FBXL19: variants seen among roughly 807,000 people sequenced by gnomAD.
FBXL19 encodes the protein F-box/LRR-repeat protein 19.
Under a neutral mutation model 71.2 loss-of-function variants are expected in FBXL19, and 16 were observed. The observed-to-expected ratio is 0.22, with a 90% CI of 0.15 to 0.34. The LOEUF is 0.34. FBXL19 is among the 10% of genes least tolerant of loss of function. FBXL19 has a pLI of 1.00. For missense variants in FBXL19, 658 were observed against 968.2 expected (o/e 0.68, Z 4.25); for synonymous variants, 447 against 409.4 (o/e 1.09, Z -1.11).
At chr16:30,931,973 T>C (rs1353027357) in intron 7 of FBXL19, among the ~76,000 whole-genome samples, 1 of 151,066 alleles carries the variant, frequency 6.6e-6, no homozygotes, top group Non-Finnish European at 1.5e-5. Context: ...ACTCCTGACC[T>C]GAAGCGATCC....
At chr16:30,931,306 GT>G (rs1223416276) in intron 7 of FBXL19, among the ~76,000 whole-genome samples, 2 of 152,156 alleles carry the variant, frequency 1.3e-5, no homozygotes, top group African/African-American at 4.8e-5. Flanking sequence ...CCTTCGGCGT[GT>G]TGACAAGCCT....
At chr16:30,947,016 AC>A in intron 10 of FBXL19, 35 bp from the exon 11 acceptor site, 1 of 1,576,988 alleles carries the variant, frequency 6.3e-7, no homozygotes, top group Non-Finnish European at 8.6e-7. Context: ...CCCCTTGCTC[AC>A]CTGCCTGGTC....
rs749339084 is a variant in FBXL19 at position 30,930,116 on chromosome 16, C to G, written c.833C>G (p.Pro278Arg). ...GCCTCTGCAGAGGGCCCAGCGGTGC[C>G]GTCCCCGTCCCCGCAGAGGGAGAAG... ...PLASAEGPAV[P>R]SPSPQREKLE... The change falls in exon 7 of 11, where the codon CCG (proline) becomes CGG (arginine). Residue 278 changes from proline (P) to arginine (R), a missense_variant. By Grantham distance (103) the Pro-to-Arg change is moderately radical (BLOSUM62 -2). Around this residue, in one of 8 missense-constraint regions of FBXL19, gnomAD observed 447 missense variants for 515.4 expected, o/e 0.87. Coordinates refer to ENST00000338343, the MANE Select transcript of FBXL19 (RefSeq NM_001382779.1). This position sits in a 1 kb window ranked among gnomAD's most constrained non-coding sequence, Gnocchi z 8.5. 2 of 1,613,552 alleles carry G rather than the reference C, an allele frequency of 1.2e-6. No individual in the cohort carries two copies. The highest frequency in any genetic ancestry group is 1.7e-6 in the Non-Finnish European group (2 of 1,179,874).
chr16:30,932,789 G>A (rs1018416276), intron 7 of FBXL19, among the ~76,000 whole-genome samples: 19 of 151,950 alleles, frequency 1.3e-4, no homozygotes, highest in Non-Finnish European at 2.8e-4. Flanking sequence ...GAGGCTCTGC[G>A]AGGTCTGGGC....
intron 7 of FBXL19, among the ~76,000 whole-genome samples, chr16:30,933,679 G>A (rs2055699828): frequency 6.6e-6 from 1 of 151,200 alleles, no homozygotes. Flanking sequence ...TTGAACTTCT[G>A]GCCTCAAGTG....
chr16:30,947,455 T>C lies in FBXL19; in HGVS notation c.*225T>C. 1.8e-6 allele frequency: 1 copy of C among 563,948 alleles called. No individual in the cohort carries two copies. The highest frequency in any genetic ancestry group is 3.2e-6 in the Non-Finnish European group (1 of 315,796). The allele number at this position is 563,948 out of a possible 1,614,324, so 34.9% of individuals were successfully genotyped here. ...CTATGTCCTGCCCCTGCTACCTGCTTCATTGTCCATCCCCTGGGGGAGTGG... is the reference window on the plus strand; with the variant it reads ...CTATGTCCTGCCCCTGCTACCTGCTCCATTGTCCATCCCCTGGGGGAGTGG... On this transcript the variant is annotated 3_prime_UTR_variant, in exon 11 of 11. Transcript: ENST00000338343.
Position 30,925,775 on chromosome 16 carries a change from G to T in FBXL19, c.21G>T (p.Gly7=), listed in dbSNP as rs892304263. ...CCCCAATGTCGTCGAGCAGCCGGGG[G>T]CCGGGGGCCGGAGCGCGCCGACGCC... MSSSSR[G]PGAGARRRRT... Residue 7 remains glycine, a synonymous_variant, in exon 2 of 11, where the codon GGG becomes GGT. Coordinates refer to ENST00000338343, the MANE Select transcript of FBXL19 (RefSeq NM_001382779.1). The surrounding 1 kb of genome is among the most constrained non-coding windows in gnomAD (Gnocchi z 5.0). The T allele has an allele frequency of 6.7e-7, 1 of 1,486,484 alleles. No individual in the cohort carries two copies. Among genetic ancestry groups the T allele is most frequent in the Non-Finnish European group, 8.9e-7 (1 of 1,123,062 alleles). The allele number at this position is 1,486,484 out of a possible 1,614,324, so 92.1% of individuals were successfully genotyped here. A position where few individuals can be genotyped will look rare whatever the true frequency, so the allele number is the denominator to read the frequency against.
intron 7 of FBXL19, among the ~76,000 whole-genome samples, chr16:30,934,551 G>A (rs187430063): frequency 5.9e-5 from 9 of 152,130 alleles, no homozygotes; most frequent in Admixed American, 3.9e-4. Context: ...CCAGCTACTC[G>A]GGAGTCTGAG....
Position 30,942,160 on chromosome 16 carries a change from G to A in FBXL19, c.1346G>A (p.Arg449Gln), listed in dbSNP as rs1217406218. The A allele has an allele frequency of 2.5e-6, 4 of 1,598,550 alleles. No individual in the cohort carries two copies. The highest frequency in any genetic ancestry group is 1.3e-5 in the African/African-American group (1 of 74,670). The change falls in exon 8 of 11, where the codon CGG becomes CAG. Residue 449 changes from arginine to glutamine, a missense_variant. By Grantham distance (43) the Arg-to-Gln change is conservative. Coordinates refer to ENST00000338343, the MANE Select transcript of FBXL19 (RefSeq NM_001382779.1). This position sits in a 1 kb window ranked among gnomAD's most constrained non-coding sequence, Gnocchi z 5.7. ...TGGCCTCGAATGGACCTGAGCCGGC[G>A]GAAGTCACTGACCCCGCCCATGCTC... The part of the protein sequence containing the change: ...RLWPRMDLSR[R>Q]KSLTPPMLSG...
Position 30,947,339 on chromosome 16 carries a change from G to C in FBXL19, c.*109G>C. 3.1e-6 allele frequency: 3 copies of C among 965,196 alleles called. No homozygotes were observed. The allele number at this position is 965,196 out of a possible 1,614,324, so 59.8% of individuals were successfully genotyped here. A position where few individuals can be genotyped will look rare whatever the true frequency, so the allele number is the denominator to read the frequency against. On this transcript the variant is annotated 3_prime_UTR_variant, in exon 11 of 11. Transcript: ENST00000338343. Reference sequence around the variant, plus strand: ...CACCTCACCACCCTGGGATTCCTGAGTGTCAGTGACTTGGGATTCCCACCC... The same window carrying C: ...CACCTCACCACCCTGGGATTCCTGACTGTCAGTGACTTGGGATTCCCACCC...
chr16:30,924,506 A>C, intron 1 of FBXL19, 47 bp downstream of exon 1: 1 of 729,392 alleles, frequency 1.4e-6, no homozygotes, highest in Non-Finnish European at 1.9e-6. Context: ...GGCAGCGCCC[A>C]CTCCCATTCA....
In FBXL19 at chr16:30,947,744, G is replaced by A; in HGVS notation, c.*514G>A. ...TGGGGATCCAGGTGTCAGAGGTAGGGGAACCAGGGGCAAGCTGGGGCTGAG... is the reference window on the plus strand; with the variant it reads ...TGGGGATCCAGGTGTCAGAGGTAGGAGAACCAGGGGCAAGCTGGGGCTGAG... On this transcript the variant is annotated 3_prime_UTR_variant, in exon 11 of 11. Coordinates refer to ENST00000338343, the MANE Select transcript of FBXL19 (RefSeq NM_001382779.1). 1 of 378,412 alleles carries A rather than the reference G, an allele frequency of 2.6e-6. No individual in the cohort carries two copies. 23.4% of individuals were successfully genotyped at this position (378,412 alleles called of 1,614,324 possible).
chr16:30,932,489 A>G (rs996115610), intron 7 of FBXL19, among the ~76,000 whole-genome samples: 1 of 152,220 alleles, frequency 6.6e-6, no homozygotes, highest in Admixed American at 6.5e-5. Flanking sequence ...CGAAGCAGAC[A>G]AAGCGAGAGG....
intron 9 of FBXL19, among the ~76,000 whole-genome samples, chr16:30,943,456 G>C (rs555778874): frequency 7.2e-6 from 1 of 139,576 alleles, no homozygotes; most frequent in African/African-American, 2.7e-5. Context: ...ATCACTGCAA[G>C]CTCCACCTCC....
At chr16:30,931,031 C>T (rs1353789480) in intron 7 of FBXL19, among the ~76,000 whole-genome samples, 1 of 152,150 alleles carries the variant, frequency 6.6e-6, no homozygotes, top group Non-Finnish European at 1.5e-5. Context: ...GTTCCATTCA[C>T]TTAGGAGAAC....
Position 30,925,235 on chromosome 16 carries a change from C to A in FBXL19, c.-24-496C>A, listed in dbSNP as rs527870978. ...GCTGTGGATGAAAAGGTTGGTGGGGCGGGGGGGAGGAAAAGTCCGGAGCTT... is the reference window on the plus strand; with the variant it reads ...GCTGTGGATGAAAAGGTTGGTGGGGAGGGGGGGAGGAAAAGTCCGGAGCTT... On this transcript the variant is annotated intron_variant, in intron 1 of 10. Transcript: ENST00000338343. This position sits in a 1 kb window ranked among gnomAD's most constrained non-coding sequence, Gnocchi z 5.0. Among the ~76,000 whole-genome samples the A allele has an allele frequency of 4.2e-5, 6 of 143,418 alleles. No individual in the cohort carries two copies. Among genetic ancestry groups the A allele is most frequent in the Non-Finnish European group, 9.1e-5 (6 of 65,622 alleles). The allele number at this position is 143,418 out of a possible 152,430, so 94.1% of individuals were successfully genotyped here. A position where few individuals can be genotyped will look rare whatever the true frequency, so the allele number is the denominator to read the frequency against.
chr16:30,928,561 C>G lies in FBXL19; in HGVS notation c.722C>G (p.Pro241Arg), dbSNP rs769976000. Residue 241 changes from proline (P) to arginine (R), a missense_variant, in exon 6 of 11, where the codon CCC becomes CGC. Physicochemically the swap from Pro to Arg is moderately radical, Grantham distance 103. Around this residue, in one of 8 missense-constraint regions of FBXL19, gnomAD observed 447 missense variants for 515.4 expected, o/e 0.87. Coordinates refer to ENST00000338343, the MANE Select transcript of FBXL19 (RefSeq NM_001382779.1). ...SDPGGPGLLP[P>R]RVLNPSQAFS... ...CCAGGCGGCCCGGGCCTGCTGCCCCCCAGGGTTCTGAATCCGAGCCAGGCT... is the reference window on the plus strand; with the variant it reads ...CCAGGCGGCCCGGGCCTGCTGCCCCGCAGGGTTCTGAATCCGAGCCAGGCT... The G allele has an allele frequency of 2.5e-6, 4 of 1,608,118 alleles. No homozygotes were observed. The highest frequency in any genetic ancestry group is 2.7e-5 in the African/African-American group (2 of 74,582).
In FBXL19 at chr16:30,927,737, C is replaced by T. The variant is rs1332455164; in HGVS notation, c.409-8C>T. On this transcript the variant is annotated splice_region_variant and splice_polypyrimidine_tract_variant and intron_variant, in intron 4 of 10. Transcript: ENST00000338343. The stretch of plus-strand genomic sequence containing the variant: ...CAGGTCCTCACCCCCAGCTTCTGTC[C>T]CGCCTAGGATTCAGGTGAGGGGCCT... The T allele has an allele frequency of 1.3e-6, 2 of 1,556,698 alleles. No homozygotes were observed. Among genetic ancestry groups the T allele is most frequent in the Admixed American group, 1.9e-5 (1 of 51,338 alleles).
intron 7 of FBXL19, among the ~76,000 whole-genome samples, chr16:30,932,545 A>G (rs2055686777): frequency 6.6e-6 from 1 of 152,184 alleles, no homozygotes; most frequent in South Asian, 2.1e-4. Context: ...CTTGAGTTTC[A>G]CTGGCTGCGT....
Sources: allele counts gnomAD v4.1 joint callset (sites outside exome capture counted in the v4.1 genomes callset), GRCh38; gene constraint gnomAD v4.1.1; regional missense constraint gnomAD v4.1.1; non-coding constraint Gnocchi (gnomAD v3.1); transcripts MANE v1.5; gene names NCBI Gene and HGNC (gene_info 2026-07-23, HGNC 2026-07-21).